TULP4: variants seen among roughly 807,000 people sequenced by gnomAD.
TULP4 encodes TUB like protein 4.
TULP4 carries 16 observed loss-of-function variants against 129.0 expected under a neutral mutation model. That is an observed-to-expected ratio of 0.12 (90% CI 0.08 to 0.19). The LOEUF (loss-of-function observed/expected upper bound fraction) is 0.19. Ranked by LOEUF, TULP4 falls within the 10% of genes least tolerant of loss-of-function variation. The pLI is 1.00. For missense variants in TULP4, 1,842 were observed against 2,059.1 expected (o/e 0.89, Z 2.04); for synonymous variants, 998 against 854.0 (o/e 1.17, Z -2.94).
intron 6 of TULP4, among the ~76,000 whole-genome samples, chr6:158,462,982 G>A (rs1016273660): frequency 2.0e-5 from 3 of 151,006 alleles, no homozygotes; most frequent in South Asian, 2.1e-4. Context: ...TTGAACTCCC[G>A]ACCTCAGGTG....
intron 1 of TULP4, among the ~76,000 whole-genome samples, chr6:158,386,138 C>T (rs946538613): frequency 1.3e-5 from 2 of 151,950 alleles, no homozygotes; most frequent in African/African-American, 4.8e-5. Context: ...AGCCACTATG[C>T]CTTGCCACAT....
chr6:158,334,970 CTG>C (rs1779998988), intron 1 of TULP4, among the ~76,000 whole-genome samples: 1 of 152,176 alleles, frequency 6.6e-6, no homozygotes, highest in African/African-American at 2.4e-5. Flanking sequence ...ACCTCCACAA[CTG>C]TGAAAAAATA....
intron 1 of TULP4, among the ~76,000 whole-genome samples, chr6:158,243,367 A>G (rs1562492333): frequency 6.6e-6 from 1 of 152,118 alleles, no homozygotes; most frequent in South Asian, 2.1e-4. Context: ...TATCCAATCA[A>G]TACTCCTTGA....
intron 1 of TULP4, among the ~76,000 whole-genome samples, chr6:158,235,166 A>C (rs1442648956): frequency 6.6e-6 from 1 of 151,668 alleles, no homozygotes; most frequent in Non-Finnish European, 1.5e-5. Context: ...TGACACAGCG[A>C]AACTCTGTCT....
At chr6:158,448,234 G>A (rs901043033) in intron 3 of TULP4, among the ~76,000 whole-genome samples, 1 of 152,168 alleles carries the variant, frequency 6.6e-6, no homozygotes, top group Non-Finnish European at 1.5e-5. Context: ...TGAGATGGGT[G>A]AGGCCAAGGA....
Position 158,449,264 on chromosome 6 carries a change from G to A in TULP4, c.724+88G>A, listed in dbSNP as rs376348463. ...AGTAGACTGATGTGGAGGAGGGAGG[G>A]TGAAGGGCCGCCACACCTACGGCAC... On this transcript the variant is annotated intron_variant, in intron 4 of 13. Transcript: ENST00000367097. The A allele has an allele frequency of 3.6e-5, 49 of 1,380,148 alleles. 2 individuals carry two copies. The African/African-American group carries it at 5.6e-4, about 16-fold the overall frequency. 85.5% of individuals were successfully genotyped at this position (1,380,148 alleles called of 1,614,324 possible).
chr6:158,391,075 T>C (rs970175798), intron 1 of TULP4, among the ~76,000 whole-genome samples: 87 of 152,154 alleles, frequency 5.7e-4, no homozygotes, highest in African/African-American at 2.0e-3. Context: ...ACTCCAACTC[T>C]AAAAAATAAT....
At chr6:158,461,777 GA>G (rs774835305) in intron 6 of TULP4, 48 bp downstream of exon 6, 3 of 1,555,448 alleles carry the variant, frequency 1.9e-6, no homozygotes, top group Non-Finnish European at 2.6e-6. Flanking sequence ...GTATACTAGT[GA>G]ATAGGTTATT....
intron 2 of TULP4, among the ~76,000 whole-genome samples, chr6:158,427,638 C>T (rs868709743): frequency 3.3e-5 from 5 of 151,412 alleles, no homozygotes; most frequent in South Asian, 2.1e-4. Flanking sequence ...GGACTACAGG[C>T]GCGTGCCACC....
rs181991570 is a variant in TULP4, at chr6:158,248,301, G to A, written n.68+15998G>A. 1.7e-3 allele frequency among the ~76,000 whole-genome samples: 257 copies of A among 151,470 alleles called. 1 individual carries two copies. Among genetic ancestry groups the A allele is most frequent in the Non-Finnish European group, 2.4e-3 (166 of 67,842 alleles). On this transcript the variant is annotated intron_variant and non_coding_transcript_variant, in intron 1 of 1. Transcript: ENST00000620026. ...TTTTTTTTTCTTGAGACGGAGTCTC[G>A]CTCTGTTGCCCAGGCTGGAGTGCAG...
At chr6:158,335,270 G>A (rs1780006109) in intron 1 of TULP4, among the ~76,000 whole-genome samples, 2 of 61,856 alleles carry the variant, frequency 3.2e-5, no homozygotes, top group South Asian at 6.3e-4. Context: ...GAGCGAGACT[G>A]TCTCAAAAAA....
In TULP4 at chr6:158,502,279, C is replaced by T; in HGVS notation, c.2616C>T (p.Leu872=). 1 of 1,612,150 alleles carries T rather than the reference C, an allele frequency of 6.2e-7. No homozygotes were observed. The highest frequency in any genetic ancestry group is 8.5e-7 in the Non-Finnish European group (1 of 1,179,300). ...GCTTGAAGAAGGGCGACTTCTCCCT[C>T]TACCCCACGTCAGTGCACTACCAGA... ...DVCLKKGDFS[L]YPTSVHYQTP... Residue 872 remains leucine (L), a synonymous_variant, in exon 13 of 14, where the codon CTC becomes CTT. Coordinates refer to ENST00000367097, the MANE Select transcript of TULP4 (RefSeq NM_020245.5).
intron 6 of TULP4, among the ~76,000 whole-genome samples, chr6:158,470,613 A>G (rs1779659060): frequency 6.6e-6 from 1 of 152,252 alleles, no homozygotes; most frequent in African/African-American, 2.4e-5. Flanking sequence ...TAGTCGGCCT[A>G]GGAAATCCAG....
intron 1 of TULP4, among the ~76,000 whole-genome samples, chr6:158,287,750 C>G (rs887881630): frequency 1.3e-5 from 2 of 152,168 alleles, no homozygotes; most frequent in South Asian, 4.1e-4. Flanking sequence ...TAGCTTGGAG[C>G]TTAGTCCAGG....
rs17582855 is a variant in TULP4 at position 158,507,491 on chromosome 6, A to G, written c.*797A>G. 17,026 of 152,256 alleles carry G rather than the reference A, an allele frequency of 0.11. 1,140 individuals are homozygous for G. The highest frequency in any genetic ancestry group is 0.14 in the Non-Finnish European group (9,620 of 68,002). The allele number at this position is 152,256 out of a possible 1,614,324, so 9.4% of individuals were successfully genotyped here. A position where few individuals can be genotyped will look rare whatever the true frequency, so the allele number is the denominator to read the frequency against. ...CCTCCACTAGTTTCATCGTTTGTCA[A>G]AGTTCCGTAGGATCAGTGATGGTCA... On this transcript the variant is annotated 3_prime_UTR_variant, in exon 14 of 14. Coordinates refer to ENST00000367097, the MANE Select transcript of TULP4 (RefSeq NM_020245.5).
In TULP4 at chr6:158,291,005, C is replaced by T. The variant is rs76105611; in HGVS notation, n.116+8627C>T. On this transcript the variant is annotated intron_variant and non_coding_transcript_variant, in intron 1 of 1. Transcript: ENST00000432358. ...AAGGATCTTTCTCATAAGGCTAAGG[C>T]TTTTCAATGAGAAATATAGTACCTA... Among the ~76,000 whole-genome samples, 237 of 152,262 alleles carry T rather than the reference C, an allele frequency of 1.6e-3. 2 individuals are homozygous for T. Among genetic ancestry groups the T allele is most frequent in the African/African-American group, 5.1e-3 (212 of 41,546 alleles).
chr6:158,491,270 G>A (rs1170841916), intron 9 of TULP4, among the ~76,000 whole-genome samples: 1 of 152,166 alleles, frequency 6.6e-6, no homozygotes, highest in African/African-American at 2.4e-5. Flanking sequence ...GATATCTCCA[G>A]TGATGGATGC....
At chr6:158,453,822 G>A (rs860429) in intron 5 of TULP4, among the ~76,000 whole-genome samples, 59,388 of 144,772 alleles carry the variant, frequency 0.41, 13,323 homozygotes, top group African/African-American at 0.61. Context: ...GTGTGGTGGC[G>A]TGTGCCTATA....
At chr6:158,368,986 GTTATT>G (rs1164000939) in intron 1 of TULP4, among the ~76,000 whole-genome samples, 2 of 152,146 alleles carry the variant, frequency 1.3e-5, no homozygotes, top group South Asian at 2.1e-4. Flanking sequence ...GTTTGTTGGA[GTTATT>G]TTATTTTATA....
Sources: allele counts gnomAD v4.1 joint callset (sites outside exome capture counted in the v4.1 genomes callset), GRCh38; gene constraint gnomAD v4.1.1; transcripts MANE v1.5; gene names NCBI Gene and HGNC (gene_info 2026-07-23, HGNC 2026-07-21).